Variants in PDE1C observed in about 807,000 individuals in gnomAD.
PDE1C encodes the protein dual specificity calcium/calmodulin-dependent 3',5'-cyclic nucleotide phosphodiesterase 1C.
In PDE1C, 62 loss-of-function variants were observed where a neutral mutation model predicts 93.1. The observed-to-expected ratio is 0.67, with a 90% confidence interval of 0.54 to 0.82. The LOEUF is 0.82. Ranked by LOEUF, PDE1C falls within the 40% of genes least tolerant of loss-of-function variation. The pLI, the probability that PDE1C is intolerant of heterozygous loss-of-function variation, is 0.00. For synonymous variants in PDE1C, 325 were observed against 310.1 expected (o/e 1.05, Z -0.50); for missense variants, 742 against 884.6 (o/e 0.84, Z 2.04).
At chr7:31,936,168 C>T (rs570661940) in intron 2 of PDE1C, among the ~76,000 whole-genome samples, 10 of 152,172 alleles carry the variant, frequency 6.6e-5, no homozygotes, top group South Asian at 4.2e-4. Flanking sequence ...GATCTAAAGA[C>T]GGAATCACAC....
chr7:32,386,079 C>A (rs550848676), intron 1 of PDE1C, among the ~76,000 whole-genome samples: 1 of 89,792 alleles, frequency 1.1e-5, no homozygotes, highest in South Asian at 4.1e-4. Context: ...GTCCCTCCAC[C>A]TTTTTCTTTC....
chr7:32,337,804 A>G (rs547146572), intron 1 of PDE1C, among the ~76,000 whole-genome samples: 2 of 152,258 alleles, frequency 1.3e-5, no homozygotes, highest in East Asian at 3.9e-4. Flanking sequence ...AAAAAAAACA[A>G]TGAGAAAAAA....
chr7:32,397,414 C>T (rs934838451), intron 1 of PDE1C, among the ~76,000 whole-genome samples: 1 of 152,082 alleles, frequency 6.6e-6, no homozygotes, highest in Admixed American at 6.6e-5. Flanking sequence ...AATTTAGAAG[C>T]TTGACAACAT....
Position 32,392,890 on chromosome 7 carries a change from A to T in PDE1C, c.310+34932T>A, listed in dbSNP as rs372065360. ...ATGCAGAAACCCCGTCTCTACTAAA[A>T]ATACAAAAATTAGCCAGGCATGGTG... On this transcript the variant is annotated intron_variant, in intron 1 of 1. Coordinates refer to the PDE1C transcript ENST00000672256. 6.6e-5 allele frequency among the ~76,000 whole-genome samples: 10 copies of T among 150,874 alleles called. No individual in the cohort carries two copies. The East Asian group carries it at 1.9e-3, about 29-fold the overall frequency.
At chr7:32,207,311 G>C (rs1805651293) in intron 2 of PDE1C, among the ~76,000 whole-genome samples, 1 of 149,572 alleles carries the variant, frequency 6.7e-6, no homozygotes, top group South Asian at 2.1e-4. Flanking sequence ...TGTCTTGTTG[G>C]ACGCAAAAAT....
At chr7:32,228,961 A>C (rs1807492027) in intron 1 of PDE1C, among the ~76,000 whole-genome samples, 1 of 152,152 alleles carries the variant, frequency 6.6e-6, no homozygotes, top group African/African-American at 2.4e-5. Context: ...CAGCATTCCA[A>C]GGCAGCTTGG....
At chr7:32,103,880 G>A (rs1481302190) in intron 3 of PDE1C, among the ~76,000 whole-genome samples, 1 of 152,042 alleles carries the variant, frequency 6.6e-6, no homozygotes, top group Non-Finnish European at 1.5e-5. Flanking sequence ...CAAATAATAG[G>A]AGAAGAGAAT....
intron 2 of PDE1C, among the ~76,000 whole-genome samples, chr7:32,020,761 A>C (rs1014523605): frequency 6.6e-6 from 1 of 152,162 alleles, no homozygotes; most frequent in African/African-American, 2.4e-5. Flanking sequence ...ACACAAATCT[A>C]AATTTTACTC....
At chr7:32,010,527 T>C (rs73096672) in intron 2 of PDE1C, among the ~76,000 whole-genome samples, 12,298 of 152,286 alleles carry the variant, frequency 0.081, 731 homozygotes, top group Non-Finnish European at 0.12. Flanking sequence ...ATGGAAATCC[T>C]AAAACTATAA....
At chr7:32,048,254 T>G (rs1477090576) in intron 2 of PDE1C, among the ~76,000 whole-genome samples, 1 of 152,146 alleles carries the variant, frequency 6.6e-6, no homozygotes, top group Non-Finnish European at 1.5e-5. Context: ...ATCAAGAGAT[T>G]TAGTCTATGG....
intron 2 of PDE1C, among the ~76,000 whole-genome samples, chr7:31,912,856 A>T: frequency 6.6e-6 from 1 of 152,242 alleles, no homozygotes; most frequent in East Asian, 1.9e-4. Flanking sequence ...GGACACAGAA[A>T]TGTATTTCAA....
Position 32,312,647 on chromosome 7 carries a change from A to T in PDE1C, c.311-103108T>A, listed in dbSNP as rs546620530. Among the ~76,000 whole-genome samples the T allele has an allele frequency of 2.8e-3, 423 of 152,366 alleles. 4 individuals are homozygous for T. Among genetic ancestry groups the T allele is most frequent in the African/African-American group, 9.8e-3 (406 of 41,586 alleles). Reference sequence around the variant, plus strand: ...TTGACAAACCTGACAAAAACAAGAAATGGGGAAAGGATTCCCTATTTAATA... The same window carrying T: ...TTGACAAACCTGACAAAAACAAGAATTGGGGAAAGGATTCCCTATTTAATA... On this transcript the variant is annotated intron_variant, in intron 1 of 1. Coordinates refer to the PDE1C transcript ENST00000672256.
At chr7:32,358,054 C>T (rs1327215878) in intron 1 of PDE1C, among the ~76,000 whole-genome samples, 1 of 152,260 alleles carries the variant, frequency 6.6e-6, no homozygotes, top group Non-Finnish European at 1.5e-5. Context: ...GAGAGCTACA[C>T]TGTCTCCTAA....
the PDE1C span, among the ~76,000 whole-genome samples, chr7:31,693,849 A>G: frequency 6.6e-6 from 1 of 152,224 alleles, no homozygotes; most frequent in Admixed American, 6.5e-5. Context: ...ATGAAAGGGA[A>G]GGGAAGGAGC....
chr7:32,400,656 G>A (rs894276364), intron 1 of PDE1C, among the ~76,000 whole-genome samples: 2 of 152,222 alleles, frequency 1.3e-5, no homozygotes, highest in Admixed American at 6.5e-5. Flanking sequence ...GGACTAGAAG[G>A]TGTTTAAGGC....
intron 2 of PDE1C, among the ~76,000 whole-genome samples, chr7:31,885,382 G>A (rs1304507082): frequency 6.6e-6 from 1 of 152,200 alleles, no homozygotes; most frequent in African/African-American, 2.4e-5. Flanking sequence ...TCCAACTTTG[G>A]CAAGATGCCT....
chr7:31,643,366 C>T, the PDE1C span: 2 of 1,613,990 alleles, frequency 1.2e-6, no homozygotes, highest in Non-Finnish European at 1.7e-6. Flanking sequence ...GCTCATTCCC[C>T]ACCTCCATAA....
chr7:31,878,366 T>A (rs79842193), intron 4 of PDE1C, among the ~76,000 whole-genome samples: 2,268 of 152,278 alleles, frequency 0.015, 53 homozygotes, highest in African/African-American at 0.052. Context: ...AGTAGTAATT[T>A]AGCCTGAATG....
chr7:32,365,708 G>T (rs948441455), intron 1 of PDE1C, among the ~76,000 whole-genome samples: 21 of 152,062 alleles, frequency 1.4e-4, no homozygotes, highest in Admixed American at 1.4e-3. Context: ...CCTCAAGATG[G>T]TCAACCCACC....
Sources: gnomAD v4.1 joint callset for allele counts (sites outside exome capture counted in the v4.1 genomes callset) on GRCh38, gnomAD v4.1.1 for gene constraint, MANE v1.5 for transcripts, NCBI Gene and HGNC (gene_info 2026-07-23, HGNC 2026-07-21) for gene names.